Variants in NAALADL2 observed in about 807,000 individuals in gnomAD.
NAALADL2 encodes the protein inactive N-acetylated-alpha-linked acidic dipeptidase-like protein 2.
NAALADL2 carries 76 observed loss-of-function variants against 87.2 expected under a neutral mutation model. The observed-to-expected ratio is 0.87, with a 90% CI of 0.72 to 1.05. The LOEUF is 1.05. Among genes scored for constraint, NAALADL2 ranks in the 50% least tolerant of loss-of-function variants. The probability of loss-of-function intolerance (pLI) is 0.00; values close to 1 mark genes in which losing one functional copy is unlikely to be tolerated. For missense variants in NAALADL2, 1,089 were observed against 945.8 expected (o/e 1.15, Z -1.99); for synonymous variants, 354 against 331.0 (o/e 1.07, Z -0.75).
chr3:174,482,073 T>C (rs937946648), intron 1 of NAALADL2, among the ~76,000 whole-genome samples: 1 of 152,090 alleles, frequency 6.6e-6, no homozygotes, highest in Non-Finnish European at 1.5e-5. Flanking sequence ...GCAGACCTTT[T>C]TAAGGGTATC....
At chr3:174,638,638 C>A (rs1722883594) in intron 2 of NAALADL2, among the ~76,000 whole-genome samples, 1 of 151,506 alleles carries the variant, frequency 6.6e-6, no homozygotes. Context: ...TGAATATAAT[C>A]AATTAAGAAG....
intron 2 of NAALADL2, among the ~76,000 whole-genome samples, chr3:174,693,787 G>A (rs376953707): frequency 6.6e-6 from 1 of 152,094 alleles, no homozygotes; most frequent in Admixed American, 6.5e-5. Context: ...TGACATTTGC[G>A]TGGTTTATAG....
intron 2 of NAALADL2, among the ~76,000 whole-genome samples, chr3:175,099,993 A>G (rs963830654): frequency 6.6e-6 from 1 of 150,918 alleles, no homozygotes; most frequent in South Asian, 2.1e-4. Context: ...TTATATTACA[A>G]TTTATACAAA....
chr3:175,480,967 C>G (rs1044098424), intron 9 of NAALADL2, among the ~76,000 whole-genome samples: 2 of 151,838 alleles, frequency 1.3e-5, no homozygotes, highest in Non-Finnish European at 1.5e-5. Context: ...AATTCGTCAC[C>G]TATAATTTTA....
At chr3:174,770,497 G>A (rs893645269) in intron 3 of NAALADL2, among the ~76,000 whole-genome samples, 19 of 152,102 alleles carry the variant, frequency 1.2e-4, no homozygotes, top group Non-Finnish European at 7.4e-5. Context: ...AATGCAAAAT[G>A]CGAGCTAACA....
intron 13 of NAALADL2, among the ~76,000 whole-genome samples, chr3:175,781,143 T>C (rs1373989338): frequency 6.6e-6 from 1 of 152,232 alleles, no homozygotes; most frequent in Non-Finnish European, 1.5e-5. Context: ...GAATATGCAC[T>C]TGTTTGAAAT....
At chr3:174,555,354 C>T (rs1439624680) in intron 2 of NAALADL2, among the ~76,000 whole-genome samples, 1 of 152,166 alleles carries the variant, frequency 6.6e-6, no homozygotes, top group African/African-American at 2.4e-5. Flanking sequence ...GCCTGGAGTG[C>T]AATGGCGCGA....
At chr3:175,497,082 A>G (rs1481571610) in intron 9 of NAALADL2, among the ~76,000 whole-genome samples, 3 of 151,876 alleles carry the variant, frequency 2.0e-5, no homozygotes, top group Non-Finnish European at 4.4e-5. Flanking sequence ...TTTTAATTTT[A>G]ATTTTTTTAG....
At chr3:175,774,067 G>T (rs1345448551) in intron 13 of NAALADL2, among the ~76,000 whole-genome samples, 1 of 152,066 alleles carries the variant, frequency 6.6e-6, no homozygotes, top group East Asian at 1.9e-4. Flanking sequence ...GTATGGTACA[G>T]TTAGTAGTAT....
At chr3:175,162,865 T>C (rs1452825818) in intron 2 of NAALADL2, among the ~76,000 whole-genome samples, 1 of 152,146 alleles carries the variant, frequency 6.6e-6, no homozygotes, top group East Asian at 1.9e-4. Flanking sequence ...GAATCAAATA[T>C]TTGTGTTTTA....
At chr3:174,930,614 CTTT>C (rs760690405) in intron 1 of NAALADL2, among the ~76,000 whole-genome samples, 744 of 66,664 alleles carry the variant, frequency 0.011, 4 homozygotes, top group Middle Eastern at 0.038. Context: ...ATAAGATGAA[CTTT>C]TTTTTTTTTT....
chr3:174,855,436 A>G (rs894439689), upstream of NAALADL2, among the ~76,000 whole-genome samples: 7 of 151,984 alleles, frequency 4.6e-5, no homozygotes, highest in Non-Finnish European at 8.8e-5. Context: ...TTTGACTTTT[A>G]TTTTGGAAAT....
chr3:175,740,378 G>A (rs927900455), intron 12 of NAALADL2, among the ~76,000 whole-genome samples: 1 of 152,182 alleles, frequency 6.6e-6, no homozygotes, highest in African/African-American at 2.4e-5. Flanking sequence ...TTGGGGATGT[G>A]TGGCAGTGTC....
At chr3:175,238,949 A>G (rs1746373746) in intron 3 of NAALADL2, among the ~76,000 whole-genome samples, 1 of 152,220 alleles carries the variant, frequency 6.6e-6, no homozygotes, top group Admixed American at 6.6e-5. Flanking sequence ...GGTTATTTGC[A>G]GAAGAGGAGT....
At chr3:174,901,932 T>C (rs1436459694) in intron 1 of NAALADL2, among the ~76,000 whole-genome samples, 1 of 152,218 alleles carries the variant, frequency 6.6e-6, no homozygotes, top group African/African-American at 2.4e-5. Context: ...AAATGTTCTC[T>C]CAAATGATCC....
intron 13 of NAALADL2, among the ~76,000 whole-genome samples, chr3:175,771,143 T>C (rs1440244292): frequency 6.6e-6 from 1 of 152,208 alleles, no homozygotes; most frequent in African/African-American, 2.4e-5. Context: ...TTTGCCCTTT[T>C]ATTTTATGTA....
intron 1 of NAALADL2, among the ~76,000 whole-genome samples, chr3:175,077,520 T>G (rs541381542): frequency 2.6e-5 from 4 of 152,332 alleles, no homozygotes; most frequent in African/African-American, 9.6e-5. Context: ...ATTTCTAACT[T>G]TGTTTCTTAT....
rs1188153190 is a variant in NAALADL2, at chr3:175,096,797, G to A, written c.51G>A (p.Lys17=). ...SLPNTSLQGK[K]MAYQKVHADQ... is the part of the protein sequence containing the mutation. ...TTTTTCTTATTTTCACAGGTAAAAA[G>A]ATGGCCTATCAGAAGGTCCATGCAG... is the stretch of plus-strand genomic sequence containing the variant. Residue 17 remains lysine, a synonymous_variant, in exon 2 of 14, where the codon AAG becomes AAA. Coordinates refer to ENST00000454872, the MANE Select transcript of NAALADL2 (RefSeq NM_207015.3). 1 of 1,496,178 alleles carries A rather than the reference G, an allele frequency of 6.7e-7. No individual in the cohort carries two copies. The highest frequency in any genetic ancestry group is 8.9e-7 in the Non-Finnish European group (1 of 1,122,600). 92.7% of individuals were successfully genotyped at this position (1,496,178 alleles called of 1,614,324 possible).
At chr3:175,613,048 T>C (rs1016495142) in intron 10 of NAALADL2, among the ~76,000 whole-genome samples, 2 of 152,104 alleles carry the variant, frequency 1.3e-5, no homozygotes, top group African/African-American at 4.8e-5. Context: ...GACTTTGGCG[T>C]GTCTTTCCCT....
Sources: allele counts gnomAD v4.1 joint callset (sites outside exome capture counted in the v4.1 genomes callset), GRCh38; gene constraint gnomAD v4.1.1; transcripts MANE v1.5; gene names NCBI Gene and HGNC (gene_info 2026-07-23, HGNC 2026-07-21).